TBC1D22A: variants seen among roughly 807,000 people sequenced by gnomAD.
TBC1D22A encodes the protein putative GTPase activator.
Under a neutral mutation model 60.2 loss-of-function variants are expected in TBC1D22A, and 38 were observed. The observed-to-expected ratio is 0.63, with a 90% CI of 0.49 to 0.83. The LOEUF (loss-of-function observed/expected upper bound fraction) is 0.83. Ranked by LOEUF, TBC1D22A falls within the 40% of genes least tolerant of loss-of-function variation. The pLI is 0.00. For missense variants in TBC1D22A, 628 were observed against 701.0 expected (o/e 0.90, Z 1.18); for synonymous variants, 302 against 281.7 (o/e 1.07, Z -0.72).
rs192433791 is a variant in TBC1D22A, at chr22:46,777,875, C to T, written c.63-14645C>T. ...TGGTCCCTGTGTGAACATCACAGAG[C>T]ACATTTATACAAACCCAGGTAGAGT... On this transcript the variant is annotated intron_variant, in intron 1 of 12. Transcript: ENST00000337137. The surrounding 1 kb of genome is among the most constrained non-coding windows in gnomAD (Gnocchi z 4.5). Among the ~76,000 whole-genome samples, 3 of 152,322 alleles carry T rather than the reference C, an allele frequency of 2.0e-5. No individual in the cohort carries two copies. Among genetic ancestry groups the T allele is most frequent in the Admixed American group, 2.0e-4 (3 of 15,306 alleles).
chr22:46,873,689 G>T (rs1313581368), intron 4 of TBC1D22A, among the ~76,000 whole-genome samples: 1 of 152,020 alleles, frequency 6.6e-6, no homozygotes. Context: ...CCTCCAGTAG[G>T]CCTCACAACA....
chr22:46,875,755 A>G (rs2067529847), intron 4 of TBC1D22A, among the ~76,000 whole-genome samples: 2 of 152,154 alleles, frequency 1.3e-5, no homozygotes, highest in African/African-American at 4.8e-5. Flanking sequence ...CTGGCCTAGC[A>G]ATATGCTTAT....
chr22:47,020,440 G>A (rs536494540), intron 10 of TBC1D22A, among the ~76,000 whole-genome samples: 9 of 152,246 alleles, frequency 5.9e-5, no homozygotes, highest in South Asian at 2.1e-4. Flanking sequence ...GGGATGACTC[G>A]TTTATCTGAG....
At chr22:46,902,136 G>T (rs1396406262) in intron 7 of TBC1D22A, among the ~76,000 whole-genome samples, 1 of 152,190 alleles carries the variant, frequency 6.6e-6, no homozygotes, top group Non-Finnish European at 1.5e-5. Flanking sequence ...CCCCTCCTGG[G>T]AGCCTTCTGT....
chr22:47,100,587 G>T (rs1171465456), intron 11 of TBC1D22A, among the ~76,000 whole-genome samples: 1 of 152,168 alleles, frequency 6.6e-6, no homozygotes, highest in Non-Finnish European at 1.5e-5. Flanking sequence ...AGTCTCCTGA[G>T]ATCCGATGGT....
chr22:47,022,372 G>A (rs532265077), intron 10 of TBC1D22A, among the ~76,000 whole-genome samples: 2 of 152,298 alleles, frequency 1.3e-5, no homozygotes, highest in South Asian at 2.1e-4. Flanking sequence ...TTGCATGAAA[G>A]CATTGCCTGG....
intron 12 of TBC1D22A, among the ~76,000 whole-genome samples, chr22:47,137,435 C>T (rs1293392424): frequency 6.6e-6 from 1 of 152,190 alleles, no homozygotes; most frequent in Admixed American, 6.5e-5. Flanking sequence ...GGGACATGTA[C>T]TGCCCCTTAG....
chr22:46,805,109 G>GT (rs1290590929), intron 4 of TBC1D22A, among the ~76,000 whole-genome samples: 1 of 152,206 alleles, frequency 6.6e-6, no homozygotes, highest in African/African-American at 2.4e-5. Context: ...ATGAGTTTGT[G>GT]TCCATCTGCC....
At position 46,915,723 on chromosome 22, in the gene TBC1D22A, G is replaced by T. The variant is rs1441241551; in HGVS notation, c.1015+3535G>T. 9 of 456,704 alleles carry T rather than the reference G, an allele frequency of 2.0e-5. 2 individuals are homozygous for T. The highest frequency in any genetic ancestry group is 1.1e-4 in the South Asian group (7 of 64,566). The allele number at this position is 456,704 out of a possible 1,614,324, so 28.3% of individuals were successfully genotyped here. ...TCTGTGATGCCTGAGTGGGAGCTGG[G>T]CTCTTTCTGGGGATGTGTGTTCGCC... On this transcript the variant is annotated intron_variant, in intron 8 of 12. Transcript: ENST00000337137.
intron 8 of TBC1D22A, among the ~76,000 whole-genome samples, chr22:46,936,733 G>T (rs1451498386): frequency 6.6e-6 from 1 of 152,210 alleles, no homozygotes; most frequent in Non-Finnish European, 1.5e-5. Flanking sequence ...AGCCCAGTAG[G>T]GCAGAAAGTT....
At chr22:46,875,407 A>G (rs2067507225) in intron 4 of TBC1D22A, among the ~76,000 whole-genome samples, 1 of 152,206 alleles carries the variant, frequency 6.6e-6, no homozygotes, top group Non-Finnish European at 1.5e-5. Flanking sequence ...ACGACTAGAA[A>G]AGGGCAATAG....
chr22:47,133,078 C>T (rs889297689), intron 12 of TBC1D22A, among the ~76,000 whole-genome samples: 8 of 152,178 alleles, frequency 5.3e-5, no homozygotes, highest in African/African-American at 1.4e-4. Flanking sequence ...AATGTTTAGG[C>T]GACGCCTGTA....
chr22:47,118,808 CACACAT>C (rs985278194), intron 12 of TBC1D22A, among the ~76,000 whole-genome samples: 14 of 126,830 alleles, frequency 1.1e-4, no homozygotes, highest in African/African-American at 1.9e-4. Flanking sequence ...CACACACACA[CACACAT>C]ACATTTAAAA....
chr22:47,005,703 C>T (rs1376363478), intron 10 of TBC1D22A, among the ~76,000 whole-genome samples: 1 of 150,940 alleles, frequency 6.6e-6, no homozygotes, highest in East Asian at 1.9e-4. Context: ...CACAGATACA[C>T]CTACATGCCT....
At chr22:47,162,827 A>T (rs545375139) in intron 12 of TBC1D22A, among the ~76,000 whole-genome samples, 1 of 131,640 alleles carries the variant, frequency 7.6e-6, no homozygotes, top group Non-Finnish European at 1.6e-5. Flanking sequence ...GTGCAGGGAG[A>T]GTCGGGGGAG....
At chr22:46,991,136 G>A (rs1165486347) in intron 9 of TBC1D22A, among the ~76,000 whole-genome samples, 1 of 152,192 alleles carries the variant, frequency 6.6e-6, no homozygotes, top group Non-Finnish European at 1.5e-5. Flanking sequence ...TTGTGATGGA[G>A]CCCTTCCTCT....
At chr22:46,943,751 G>A (rs190958585) in intron 8 of TBC1D22A, among the ~76,000 whole-genome samples, 329 of 152,266 alleles carry the variant, frequency 2.2e-3, no homozygotes, top group Non-Finnish European at 3.5e-3. Context: ...TCTGCTTTTC[G>A]TCTGCATGGA....
chr22:46,903,983 T>C (rs1206602648), intron 7 of TBC1D22A, among the ~76,000 whole-genome samples: 2 of 152,072 alleles, frequency 1.3e-5, no homozygotes, highest in Non-Finnish European at 2.9e-5. Flanking sequence ...CAGACCCCTT[T>C]AAGTGTCACC....
At chr22:46,906,128 A>G (rs1045540578) in intron 7 of TBC1D22A, among the ~76,000 whole-genome samples, 28 of 151,960 alleles carry the variant, frequency 1.8e-4, no homozygotes, top group African/African-American at 6.8e-4. Context: ...TGCCCTCAGC[A>G]CAGCAGTGAT....
Sources: allele counts gnomAD v4.1 joint callset (sites outside exome capture counted in the v4.1 genomes callset), GRCh38; gene constraint gnomAD v4.1.1; non-coding constraint Gnocchi (gnomAD v3.1); transcripts MANE v1.5; gene names NCBI Gene and HGNC (gene_info 2026-07-23, HGNC 2026-07-21).